Variants in IL1RAPL1 observed in about 807,000 individuals in gnomAD.
IL1RAPL1 encodes the protein interleukin-1 receptor accessory protein-like 1.
In IL1RAPL1, 3 loss-of-function variants were observed where a neutral mutation model predicts 48.4. The observed-to-expected ratio is 0.06, with a 90% CI of 0.03 to 0.16. IL1RAPL1 has a LOEUF of 0.16. Among genes scored for constraint, IL1RAPL1 ranks in the 10% least tolerant of loss-of-function variants. IL1RAPL1 has a pLI of 1.00. For synonymous variants in IL1RAPL1, 185 were observed against 187.7 expected (o/e 0.99, Z 0.12); for missense variants, 349 against 530.6 (o/e 0.66, Z 3.36).
At chrX:29,675,194 G>T (rs1271780646) in intron 6 of IL1RAPL1, among the ~76,000 whole-genome samples, 1 of 112,343 alleles carries the variant, frequency 8.9e-6, no homozygotes, top group Non-Finnish European at 1.9e-5. Flanking sequence ...GACAAAAAAG[G>T]TCTCATATCC....
At chrX:29,914,870 G>A (rs1041086872) in intron 6 of IL1RAPL1, among the ~76,000 whole-genome samples, 38 of 112,317 alleles carry the variant, frequency 3.4e-4, no homozygotes, top group Middle Eastern at 4.6e-3. Context: ...TAAAGGAGAG[G>A]GAATTTTATA....
rs145359050 is a variant in IL1RAPL1 at position 29,923,763 on chromosome X, C to A, written c.1057+3669C>A. ...AAAGCTCTGATCTGTCCTATTCTCT[C>A]CATTTTTTACATTTTCCATTTCTCT... On this transcript the variant is annotated intron_variant, in intron 8 of 10. Coordinates refer to ENST00000378993, the MANE Select transcript of IL1RAPL1 (RefSeq NM_014271.4). Among the ~76,000 whole-genome samples the A allele has an allele frequency of 9.0e-3, 1,003 of 111,665 alleles. 12 individuals are homozygous for A. The highest frequency in any genetic ancestry group is 0.031 in the African/African-American group (950 of 30,696).
At chrX:29,316,256 T>C (rs1209966321) in intron 3 of IL1RAPL1, among the ~76,000 whole-genome samples, 1 of 111,849 alleles carries the variant, frequency 8.9e-6, no homozygotes, top group Non-Finnish European at 1.9e-5. Flanking sequence ...ATAGGGAGCA[T>C]CCCAGAACCA....
chrX:29,201,953 C>G (rs1276726609), intron 2 of IL1RAPL1, among the ~76,000 whole-genome samples: 1 of 112,110 alleles, frequency 8.9e-6, no homozygotes, highest in Non-Finnish European at 1.9e-5. Flanking sequence ...CCTCGGCCTC[C>G]CAAAGTGCTG....
intron 3 of IL1RAPL1, among the ~76,000 whole-genome samples, chrX:29,390,441 C>T (rs1933839717): frequency 8.9e-6 from 1 of 112,027 alleles, no homozygotes; most frequent in Non-Finnish European, 1.9e-5. Context: ...CAACTTAATC[C>T]TTTTAAAAAG....
At chrX:28,755,395 T>A (rs754563052) in intron 1 of IL1RAPL1, among the ~76,000 whole-genome samples, 5 of 112,479 alleles carry the variant, frequency 4.4e-5, no homozygotes, top group Non-Finnish European at 9.4e-5. Context: ...TAATTAAAAT[T>A]AAGTAAAATT....
chrX:29,437,630 C>G (rs1934496878), intron 5 of IL1RAPL1, among the ~76,000 whole-genome samples: 1 of 110,446 alleles, frequency 9.1e-6, no homozygotes, highest in East Asian at 2.8e-4. Context: ...GAATTCTTAT[C>G]ATGAATGGGT....
chrX:29,247,805 A>T (rs1322021315), intron 2 of IL1RAPL1, among the ~76,000 whole-genome samples: 1 of 111,705 alleles, frequency 9.0e-6, no homozygotes, highest in African/African-American at 3.3e-5. Context: ...TAATAAATTA[A>T]TTAAAGTGAA....
intron 5 of IL1RAPL1, among the ~76,000 whole-genome samples, chrX:29,508,891 A>C (rs1935364339): frequency 8.9e-6 from 1 of 112,142 alleles, no homozygotes; most frequent in Admixed American, 9.4e-5. Flanking sequence ...TATATGGAGA[A>C]GTCAAAAATT....
rs1018560743 is a variant in IL1RAPL1, at chrX:29,416,049, C to T, written c.703+16741C>T. Among the ~76,000 whole-genome samples, 4 of 111,357 alleles carry T rather than the reference C, an allele frequency of 3.6e-5. No homozygotes were observed. The East Asian group carries it at 1.1e-3, about 31-fold the overall frequency. ...TGCAAGATTAAGAAAAAAAATAAAA[C>T]CACAAGCTAATTTCTTATTATACTC... is the stretch of plus-strand genomic sequence containing the variant. On this transcript the variant is annotated intron_variant, in intron 5 of 10. Transcript: ENST00000378993.
At chrX:29,426,455 G>A (rs1195002434) in intron 5 of IL1RAPL1, among the ~76,000 whole-genome samples, 1 of 111,194 alleles carries the variant, frequency 9.0e-6, no homozygotes, top group Non-Finnish European at 1.9e-5. Flanking sequence ...TTTGAACTCA[G>A]ACCTCTCTGA....
intron 2 of IL1RAPL1, among the ~76,000 whole-genome samples, chrX:29,185,255 T>A (rs1015419952): frequency 8.9e-6 from 1 of 112,518 alleles, no homozygotes; most frequent in African/African-American, 3.2e-5. Flanking sequence ...AAACATTCCT[T>A]AACACTTTCT....
At chrX:28,740,372 A>C (rs1935892699) in intron 1 of IL1RAPL1, among the ~76,000 whole-genome samples, 1 of 112,148 alleles carries the variant, frequency 8.9e-6, no homozygotes, top group Non-Finnish European at 1.9e-5. Flanking sequence ...ATAGGGTTTG[A>C]CTTTGTGTAT....
intron 1 of IL1RAPL1, among the ~76,000 whole-genome samples, chrX:28,682,476 T>A (rs184025680): frequency 3.5e-4 from 39 of 110,540 alleles, no homozygotes; most frequent in Non-Finnish European, 6.6e-4. Context: ...ACGCAGCTAA[T>A]TTTTTTATAT....
chrX:29,684,929 T>C (rs1926573557), intron 6 of IL1RAPL1, among the ~76,000 whole-genome samples: 1 of 112,462 alleles, frequency 8.9e-6, no homozygotes, highest in Admixed American at 9.4e-5. Context: ...TTACTACGAC[T>C]ATTAATTCCC....
intron 1 of IL1RAPL1, among the ~76,000 whole-genome samples, chrX:28,695,922 G>C (rs757885332): frequency 8.9e-6 from 1 of 111,903 alleles, no homozygotes; most frequent in East Asian, 2.8e-4. Context: ...AATGTGTTCT[G>C]TGGCTCTCAA....
intron 2 of IL1RAPL1, among the ~76,000 whole-genome samples, chrX:29,102,438 G>A (rs1412167392): frequency 2.7e-5 from 3 of 111,576 alleles, no homozygotes; most frequent in Admixed American, 9.5e-5. Context: ...AGGCTGAGGC[G>A]GGCGGATCAC....
chrX:29,003,156 T>C (rs1403038266), intron 2 of IL1RAPL1, among the ~76,000 whole-genome samples: 1 of 111,780 alleles, frequency 8.9e-6, no homozygotes, highest in Non-Finnish European at 1.9e-5. Context: ...TAAAATATGC[T>C]TGCTATGTGC....
intron 2 of IL1RAPL1, among the ~76,000 whole-genome samples, chrX:28,812,822 C>T (rs977059278): frequency 3.6e-5 from 4 of 110,430 alleles, no homozygotes; most frequent in African/African-American, 6.6e-5. Flanking sequence ...CTCTGTTAAA[C>T]GCTGTCTCCT....
Sources: gnomAD v4.1 joint callset for allele counts (sites outside exome capture counted in the v4.1 genomes callset) on GRCh38, gnomAD v4.1.1 for gene constraint, MANE v1.5 for transcripts, NCBI Gene and HGNC (gene_info 2026-07-23, HGNC 2026-07-21) for gene names.